The following KIF5C variants were observed in gnomAD, a reference collection of about 807,000 sequenced individuals.
KIF5C encodes kinesin heavy chain isoform 5C.
A neutral mutation model predicts 125.2 loss-of-function variants in KIF5C; 18 were observed. The observed-to-expected ratio is 0.14, with a 90% CI of 0.10 to 0.21. The LOEUF is 0.21. Among genes scored for constraint, KIF5C ranks in the 10% least tolerant of loss-of-function variants. The probability of loss-of-function intolerance (pLI) is 1.00; values close to 1 mark genes in which losing one functional copy is unlikely to be tolerated. For missense variants in KIF5C, 780 were observed against 1,183.8 expected, an observed-to-expected ratio of 0.66 and a Z score of 5.01; for synonymous variants, 405 against 434.0, an observed-to-expected ratio of 0.93 and a Z score of 0.83.
intron 3 of KIF5C, 82 bp from the exon 4 acceptor site, chr2:148,937,199 TGAG>T: frequency 6.6e-7 from 1 of 1,509,232 alleles, no homozygotes; most frequent in Non-Finnish European, 8.9e-7. Flanking sequence ...GGGTTCTGTC[TGAG>T]GAACCCAGAG....
At chr2:148,998,204 A>T in intron 18 of KIF5C, 196 bp from the exon 19 acceptor site, 1 of 874,112 alleles carries the variant, frequency 1.1e-6, no homozygotes, top group Non-Finnish European at 1.7e-6. Flanking sequence ...ACTTGGTTTG[A>T]TAACAGATCT....
intron 3 of KIF5C, 48 bp from the exon 4 acceptor site, chr2:148,937,236 G>A: frequency 6.5e-7 from 1 of 1,548,944 alleles, no homozygotes. Flanking sequence ...TCTCTCATGT[G>A]TCTCCCAGCA....
chr2:148,959,938 C>A (rs1682885659), intron 10 of KIF5C, among the ~76,000 whole-genome samples: 1 of 152,232 alleles, frequency 6.6e-6, no homozygotes, highest in East Asian at 1.9e-4. Flanking sequence ...AGCCTTCTCT[C>A]TCTGGCTCCC....
In KIF5C at chr2:148,875,474, C is replaced by T; in HGVS notation, c.-144C>T. 1.5e-6 allele frequency: 1 copy of T among 666,112 alleles called. No homozygotes were observed. Among genetic ancestry groups the T allele is most frequent in the Non-Finnish European group, 2.5e-6 (1 of 394,314 alleles). 41.3% of individuals were successfully genotyped at this position (666,112 alleles called of 1,614,324 possible). A position where few individuals can be genotyped will look rare whatever the true frequency, so the allele number is the denominator to read the frequency against. On this transcript the variant is annotated 5_prime_UTR_variant, in exon 1 of 26. Transcript: ENST00000435030. The stretch of plus-strand genomic sequence containing the variant: ...GGCCGGGGCTGCTCAGCCGGCCGGG[C>T]TCGCGATGACCTGCTGAGAAGCGTC...
At chr2:149,013,085 A>C (rs951000618) in intron 25 of KIF5C, among the ~76,000 whole-genome samples, 1 of 152,344 alleles carries the variant, frequency 6.6e-6, no homozygotes, top group African/African-American at 2.4e-5. Context: ...CAAGTACTCC[A>C]GGTGATTCTG....
At chr2:148,998,297 C>T in intron 18 of KIF5C, 103 bp from the exon 19 acceptor site, 3 of 1,503,352 alleles carry the variant, frequency 2.0e-6, no homozygotes, top group South Asian at 1.3e-5. Context: ...GATCTGACAT[C>T]TGAGGGACAC....
intron 11 of KIF5C, among the ~76,000 whole-genome samples, chr2:148,963,912 C>T (rs1294080236): frequency 1.3e-5 from 2 of 152,184 alleles, no homozygotes; most frequent in Non-Finnish European, 2.9e-5. Context: ...CACCATCATG[C>T]TTAGCATCTT....
intron 25 of KIF5C, among the ~76,000 whole-genome samples, chr2:149,012,975 C>T (rs547388077): frequency 2.0e-5 from 3 of 152,312 alleles, no homozygotes; most frequent in African/African-American, 7.2e-5. Context: ...AAGCCTGAAG[C>T]AGTGGTCATC....
chr2:148,929,802 T>C (rs537950790), intron 3 of KIF5C, among the ~76,000 whole-genome samples: 5 of 152,058 alleles, frequency 3.3e-5, no homozygotes, highest in African/African-American at 1.2e-4. Flanking sequence ...ATATTTTTGT[T>C]TGGACTGCAC....
intron 1 of KIF5C, among the ~76,000 whole-genome samples, chr2:148,905,067 T>G (rs927540061): frequency 7.9e-5 from 12 of 152,238 alleles, no homozygotes; most frequent in Non-Finnish European, 1.0e-4. Flanking sequence ...TCATTAGTAT[T>G]GCTTTGTTTT....
chr2:149,010,495 G>C, intron 24 of KIF5C, 144 bp downstream of exon 24: 2 of 1,376,264 alleles, frequency 1.5e-6, no homozygotes, highest in South Asian at 3.1e-5. Context: ...AGCCCTCACC[G>C]CACCCTGTGC....
intron 1 of KIF5C, among the ~76,000 whole-genome samples, chr2:148,887,215 T>TTA (rs1681553955): frequency 1.3e-5 from 2 of 152,332 alleles, no homozygotes; most frequent in South Asian, 4.2e-4. Flanking sequence ...GTTAAGTAAG[T>TTA]TATTAATAAA....
chr2:148,986,051 A>AATGTGAGGCCATATTGTG (rs1351284307), intron 15 of KIF5C, among the ~76,000 whole-genome samples: 3 of 152,212 alleles, frequency 2.0e-5, no homozygotes, highest in Non-Finnish European at 4.4e-5. Context: ...ATGTGAGGTG[A>AATGTGAGGCCATATTGTG]TTAAATGGCC....
At chr2:148,997,586 C>A in intron 18 of KIF5C, 3 of 570,214 alleles carry the variant, frequency 5.3e-6, no homozygotes, top group Non-Finnish European at 8.7e-6. Context: ...TTCACCATTC[C>A]TGATGAAGAG....
At chr2:148,884,411 C>A (rs1415768132) in intron 1 of KIF5C, 2 of 152,112 alleles carry the variant, frequency 1.3e-5, no homozygotes. Flanking sequence ...TTAGACAGGA[C>A]TGCTTTTTCT....
chr2:148,905,230 G>A (rs998019240), intron 1 of KIF5C, among the ~76,000 whole-genome samples: 1 of 152,150 alleles, frequency 6.6e-6, no homozygotes, highest in Admixed American at 6.6e-5. Context: ...ATGGTACATG[G>A]TTATGACAAA....
chr2:149,000,543 T>G lies in KIF5C; in HGVS notation c.2312+19T>G, dbSNP rs1406388862. The G allele has an allele frequency of 6.5e-7, 1 of 1,545,366 alleles. No individual in the cohort carries two copies. The highest frequency in any genetic ancestry group is 2.0e-5 in the Admixed American group (1 of 50,978). ...AGCTCTTGTGAGTGCACTCTAAATA[T>G]TTCCTCTATTTTCTCTCATCCCCAT... is the stretch of plus-strand genomic sequence containing the variant. On this transcript the variant is annotated intron_variant, in intron 20 of 25. Coordinates refer to ENST00000435030, the MANE Select transcript of KIF5C (RefSeq NM_004522.3).
At chr2:148,894,852 A>G (rs1430056746) in intron 1 of KIF5C, among the ~76,000 whole-genome samples, 4 of 151,316 alleles carry the variant, frequency 2.6e-5, no homozygotes, top group East Asian at 1.9e-4. Flanking sequence ...GTTGATTTAA[A>G]AAAATTCAGG....
intron 13 of KIF5C, among the ~76,000 whole-genome samples, chr2:148,980,946 G>C (rs1681217603): frequency 6.6e-6 from 1 of 151,666 alleles, no homozygotes; most frequent in Non-Finnish European, 1.5e-5. Flanking sequence ...TTGACCTCAG[G>C]TAATCCACCT....
Sources: gnomAD v4.1 joint callset for allele counts (sites outside exome capture counted in the v4.1 genomes callset) on GRCh38, gnomAD v4.1.1 for gene constraint, MANE v1.5 for transcripts, NCBI Gene and HGNC (gene_info 2026-07-23, HGNC 2026-07-21) for gene names.